Variants in ARHGAP10 observed in about 807,000 individuals in gnomAD.
The protein encoded by ARHGAP10 is rho GTPase-activating protein 10.
ARHGAP10 carries 87 observed loss-of-function variants against 108.6 expected under a neutral mutation model. That is an observed-to-expected ratio of 0.80 (90% CI 0.67 to 0.96). The LOEUF is 0.96. Among genes scored for constraint, ARHGAP10 ranks in the 40% least tolerant of loss-of-function variants. The probability of loss-of-function intolerance (pLI) is 0.00; values close to 1 mark genes in which losing one functional copy is unlikely to be tolerated. For missense variants in ARHGAP10, 939 were observed against 954.5 expected (o/e 0.98, Z 0.21); for synonymous variants, 347 against 341.1 (o/e 1.02, Z -0.19).
At chr4:147,985,877 C>G (rs758780019) in intron 18 of ARHGAP10, among the ~76,000 whole-genome samples, 3 of 152,192 alleles carry the variant, frequency 2.0e-5, no homozygotes, top group Non-Finnish European at 4.4e-5. Context: ...AGGGAAATGA[C>G]AGCGGGAGGT....
chr4:148,047,164 C>T, intron 20 of ARHGAP10, 113 bp downstream of exon 20: 1 of 1,307,810 alleles, frequency 7.6e-7, no homozygotes, highest in Non-Finnish European at 1.0e-6. Context: ...ATCTAGGAGC[C>T]CTTGTTTTCT....
At chr4:147,972,155 A>C (rs1160466327) in intron 18 of ARHGAP10, among the ~76,000 whole-genome samples, 1 of 152,108 alleles carries the variant, frequency 6.6e-6, no homozygotes, top group African/African-American at 2.4e-5. Flanking sequence ...CTTATGAGTG[A>C]ATTTAGGGGT....
chr4:147,891,175 A>G (rs1735782087), intron 10 of ARHGAP10, among the ~76,000 whole-genome samples: 1 of 152,246 alleles, frequency 6.6e-6, no homozygotes, highest in African/African-American at 2.4e-5. Context: ...AAACTTGTGA[A>G]TGAGTGTTCA....
intron 12 of ARHGAP10, among the ~76,000 whole-genome samples, chr4:147,910,113 T>C (rs897055771): frequency 6.6e-5 from 10 of 151,986 alleles, no homozygotes; most frequent in African/African-American, 2.4e-4. Flanking sequence ...GCTCAAGTGA[T>C]CCTCCCACTT....
chr4:147,990,848 C>G (rs1456373764), intron 18 of ARHGAP10, among the ~76,000 whole-genome samples: 2 of 152,022 alleles, frequency 1.3e-5, no homozygotes, highest in African/African-American at 4.8e-5. Flanking sequence ...AACCCTGTCT[C>G]TACAAAAATA....
chr4:147,780,440 C>T (rs139988349), intron 1 of ARHGAP10, among the ~76,000 whole-genome samples: 1 of 152,050 alleles, frequency 6.6e-6, no homozygotes, highest in African/African-American at 2.4e-5. Flanking sequence ...GGAGGGAGCC[C>T]GGTCAGCAGG....
At chr4:147,842,457 C>T (rs892815585) in intron 3 of ARHGAP10, among the ~76,000 whole-genome samples, 2 of 152,082 alleles carry the variant, frequency 1.3e-5, no homozygotes, top group Admixed American at 1.3e-4. Flanking sequence ...TTATTTATAA[C>T]CTACCTCTAC....
intron 1 of ARHGAP10, among the ~76,000 whole-genome samples, chr4:147,758,647 G>C (rs1036713072): frequency 2.0e-5 from 3 of 151,986 alleles, no homozygotes; most frequent in African/African-American, 2.4e-5. Flanking sequence ...CAGGTTGTTA[G>C]AATACAGGTG....
In ARHGAP10 at chr4:147,938,107, A is replaced by G. The variant is rs550017489; in HGVS notation, c.1229-1718A>G. On this transcript the variant is annotated intron_variant, in intron 13 of 22. Transcript: ENST00000336498. ...GCCATTATCCTTAGCAAAGTAATGCAGGAATAGAAAACCAAACACTGCATG... is the reference window on the plus strand; with the variant it reads ...GCCATTATCCTTAGCAAAGTAATGCGGGAATAGAAAACCAAACACTGCATG... Among the ~76,000 whole-genome samples, 6 of 152,342 alleles carry G rather than the reference A, an allele frequency of 3.9e-5. No homozygotes were observed. The East Asian group carries it at 1.2e-3, about 29-fold the overall frequency.
intron 13 of ARHGAP10, among the ~76,000 whole-genome samples, chr4:147,938,693 G>A (rs923880563): frequency 5.3e-5 from 8 of 152,108 alleles, no homozygotes; most frequent in African/African-American, 1.4e-4. Context: ...GTAAACCCTC[G>A]TGGTCAAATT....
At chr4:147,768,963 C>T (rs940528120) in intron 1 of ARHGAP10, among the ~76,000 whole-genome samples, 5 of 152,076 alleles carry the variant, frequency 3.3e-5, no homozygotes, top group African/African-American at 1.2e-4. Context: ...GTTTTGAACT[C>T]CTGACTTCAA....
intron 1 of ARHGAP10, among the ~76,000 whole-genome samples, chr4:147,740,421 G>A (rs1728612040): frequency 6.6e-6 from 1 of 152,176 alleles, no homozygotes; most frequent in South Asian, 2.1e-4. Flanking sequence ...GTAAAGGGGT[G>A]TAACCGTGGT....
chr4:147,879,252 A>G lies in ARHGAP10; in HGVS notation c.853A>G (p.Ser285Gly), dbSNP rs747283369. Residue 285 changes from serine to glycine, a missense_variant, in exon 9 of 23, where the codon AGT becomes GGT. Physicochemically the swap from Ser to Gly is moderately conservative, Grantham distance 56. Transcript: ENST00000336498. ...QEKRPAPFGS[S>G]WVKHYCMYRK... is the part of the protein sequence containing the mutation. ...TGAAGGGCCTGCTCCGTTTGGTTCC[A>G]GTTGGGTCAAACACTATTGCATGTA... 6 of 1,613,728 alleles carry G rather than the reference A, an allele frequency of 3.7e-6. No individual in the cohort carries two copies. The highest frequency in any genetic ancestry group is 1.7e-5 in the Admixed American group (1 of 59,842).
Position 148,072,194 on chromosome 4 carries a change from G to GT in ARHGAP10, c.*113_*114insT. The GT allele has an allele frequency of 3.5e-6, 3 of 862,208 alleles. No homozygotes were observed. Among genetic ancestry groups the GT allele is most frequent in the Non-Finnish European group, 5.3e-6 (3 of 569,308 alleles). 53.4% of individuals were successfully genotyped at this position (862,208 alleles called of 1,614,324 possible). A position where few individuals can be genotyped will look rare whatever the true frequency, so the allele number is the denominator to read the frequency against. ...TGCACCCACAGGTACCTCCACACTT[G>GT]GGAGTTACCATCATCACAGTCAGCC... On this transcript the variant is annotated 3_prime_UTR_variant, in exon 23 of 23. Coordinates refer to ENST00000336498, the MANE Select transcript of ARHGAP10 (RefSeq NM_024605.4).
intron 18 of ARHGAP10, among the ~76,000 whole-genome samples, chr4:148,000,977 T>G (rs1054463298): frequency 1.6e-4 from 25 of 152,332 alleles, no homozygotes; most frequent in African/African-American, 6.0e-4. Context: ...TTGCTTTTGG[T>G]GTTTTAGACA....
chr4:147,782,950 A>G (rs910992255), intron 1 of ARHGAP10, among the ~76,000 whole-genome samples: 2 of 140,224 alleles, frequency 1.4e-5, no homozygotes, highest in African/African-American at 5.1e-5. Flanking sequence ...TATATTATAT[A>G]AATTATATAT....
chr4:147,895,512 CAAAAAAA>C (rs70958593), intron 10 of ARHGAP10, among the ~76,000 whole-genome samples: 105 of 85,290 alleles, frequency 1.2e-3, no homozygotes, highest in Middle Eastern at 7.9e-3. Context: ...GACCCTGTCT[CAAAAAAA>C]AAAAAAAAAA....
At chr4:147,870,168 T>G (rs2126853472) in intron 7 of ARHGAP10, among the ~76,000 whole-genome samples, 1 of 151,838 alleles carries the variant, frequency 6.6e-6, no homozygotes, top group East Asian at 1.9e-4. Context: ...CTCCTGCCTG[T>G]AGTCCTAGTT....
chr4:147,856,865 T>C (rs181256346), intron 4 of ARHGAP10, among the ~76,000 whole-genome samples: 14 of 152,308 alleles, frequency 9.2e-5, no homozygotes, highest in Non-Finnish European at 1.8e-4. Flanking sequence ...AACATACTGA[T>C]TGATTGAGAC....
Sources: allele counts gnomAD v4.1 joint callset (sites outside exome capture counted in the v4.1 genomes callset), GRCh38; gene constraint gnomAD v4.1.1; transcripts MANE v1.5; gene names NCBI Gene and HGNC (gene_info 2026-07-23, HGNC 2026-07-21).